Variants in ALDH1A2 observed in about 807,000 individuals in gnomAD.
ALDH1A2 encodes the protein retinal dehydrogenase 2.
Under a neutral mutation model 60.3 loss-of-function variants are expected in ALDH1A2, and 27 were observed. The ratio of observed to expected loss-of-function variants is 0.45; its 90% CI spans 0.33 to 0.62. The LOEUF is 0.62. Ranked by LOEUF, ALDH1A2 falls within the 20% of genes least tolerant of loss-of-function variation. ALDH1A2 has a pLI of 0.02. For synonymous variants in ALDH1A2, 289 were observed against 232.4 expected (o/e 1.24, Z -2.21); for missense variants, 581 against 643.8 (o/e 0.90, Z 1.06).
chr15:58,013,694 G>A (rs1290019183), intron 3 of ALDH1A2, among the ~76,000 whole-genome samples, 164 bp downstream of exon 3: 1 of 152,200 alleles, frequency 6.6e-6, no homozygotes, highest in Non-Finnish European at 1.5e-5. Context: ...AGAGGTTGCA[G>A]TGAGCTGAAA....
At chr15:57,985,636 T>G (rs986986432) in intron 7 of ALDH1A2, among the ~76,000 whole-genome samples, 1 of 152,168 alleles carries the variant, frequency 6.6e-6, no homozygotes, top group Non-Finnish European at 1.5e-5. Flanking sequence ...TGAGATTAAG[T>G]TTTTATTTAC....
At chr15:58,057,968 AATTAT>A (rs1896938061) in intron 1 of ALDH1A2, 2 of 943,428 alleles carry the variant, frequency 2.1e-6, no homozygotes, top group Non-Finnish European at 2.9e-6. Context: ...TAAATAATAC[AATTAT>A]ATTATCAAAC....
intron 1 of ALDH1A2, among the ~76,000 whole-genome samples, chr15:58,015,042 C>G (rs1173624321): frequency 6.6e-6 from 1 of 152,024 alleles, no homozygotes; most frequent in Non-Finnish European, 1.5e-5. Context: ...AGTTAAAGGA[C>G]AAGGGAAAAG....
At chr15:58,029,612 G>C (rs1487428807) in intron 1 of ALDH1A2, among the ~76,000 whole-genome samples, 1 of 150,482 alleles carries the variant, frequency 6.6e-6, no homozygotes, top group African/African-American at 2.4e-5. Context: ...ATGAATCCAG[G>C]AGCTGGTTTT....
intron 4 of ALDH1A2, among the ~76,000 whole-genome samples, chr15:58,001,502 C>T (rs574890285): frequency 5.3e-5 from 8 of 151,886 alleles, no homozygotes; most frequent in East Asian, 3.9e-4. Context: ...CAGGACTAAG[C>T]GCCTCTCTCC....
At chr15:57,968,734 TGGC>T (rs1323501622) in intron 7 of ALDH1A2, among the ~76,000 whole-genome samples, 2 of 152,238 alleles carry the variant, frequency 1.3e-5, no homozygotes. Flanking sequence ...TATTTGGGGT[TGGC>T]AGACACTGCT....
At chr15:57,973,873 T>C (rs1596073897) in intron 7 of ALDH1A2, among the ~76,000 whole-genome samples, 1 of 152,206 alleles carries the variant, frequency 6.6e-6, no homozygotes, top group African/African-American at 2.4e-5. Context: ...CACACTGTAA[T>C]AGGCTACTTA....
chr15:58,009,348 C>A (rs767901442), intron 4 of ALDH1A2, among the ~76,000 whole-genome samples: 1 of 151,968 alleles, frequency 6.6e-6, no homozygotes, highest in Non-Finnish European at 1.5e-5. Context: ...AAAAGACCCT[C>A]AGTGATTCAT....
chr15:58,043,115 T>C (rs1298748337), intron 1 of ALDH1A2, among the ~76,000 whole-genome samples: 7 of 151,930 alleles, frequency 4.6e-5, no homozygotes, highest in African/African-American at 1.7e-4. Context: ...TCAGCTTCTC[T>C]AGCCCTCAAT....
chr15:58,010,536 C>T (rs935017926), intron 4 of ALDH1A2, 113 bp downstream of exon 4: 21 of 1,411,690 alleles, frequency 1.5e-5, no homozygotes, highest in African/African-American at 2.8e-5. Flanking sequence ...GTTCTAACTG[C>T]TGTAAGTGTG....
intron 1 of ALDH1A2, among the ~76,000 whole-genome samples, chr15:58,056,011 G>T (rs1196247698): frequency 6.6e-6 from 1 of 152,066 alleles, no homozygotes; most frequent in African/African-American, 2.4e-5. Flanking sequence ...CTTCAAAAAT[G>T]AGTGTTGTAT....
chr15:58,042,878 G>A (rs952483368), intron 1 of ALDH1A2, among the ~76,000 whole-genome samples: 2 of 151,952 alleles, frequency 1.3e-5, no homozygotes, highest in African/African-American at 2.4e-5. Flanking sequence ...TGAGTGACTT[G>A]AAGTCTGAAA....
chr15:58,048,663 A>G (rs1332102356), intron 1 of ALDH1A2, among the ~76,000 whole-genome samples: 2 of 152,002 alleles, frequency 1.3e-5, no homozygotes, highest in African/African-American at 2.4e-5. Context: ...CTAGTGTTCC[A>G]TTTGACTCAG....
At chr15:58,008,641 T>C (rs1334775918) in intron 4 of ALDH1A2, among the ~76,000 whole-genome samples, 1 of 152,112 alleles carries the variant, frequency 6.6e-6, no homozygotes, top group Non-Finnish European at 1.5e-5. Context: ...GCTTTGTAAA[T>C]AGTTTGAAAA....
Position 57,962,046 on chromosome 15 carries a change from T to C in ALDH1A2, c.1217A>G (p.Asn406Ser), listed in dbSNP as rs143821863. 2.1e-5 allele frequency: 34 copies of C among 1,614,142 alleles called. No homozygotes were observed. The highest frequency in any genetic ancestry group is 1.5e-4 in the African/African-American group (11 of 75,040). Residue 406 changes from asparagine to serine, a missense_variant, in exon 10 of 13, where the codon AAC becomes AGC. Physicochemically the swap from Asn to Ser is conservative, Grantham distance 46 (BLOSUM62 1). Transcript: ENST00000249750. ...GFFIEPTVFSNVTDDMRIAKE... is the reference protein window; with the variant it reads ...GFFIEPTVFSSVTDDMRIAKE... ...GGCAATCCGCATATCATCAGTGACG[T>C]TGGAAAACACTGTGGGCTCAATGAA...
intron 3 of ALDH1A2, among the ~76,000 whole-genome samples, chr15:58,012,353 G>C (rs1895657467): frequency 6.6e-6 from 1 of 151,748 alleles, no homozygotes; most frequent in South Asian, 2.1e-4. Context: ...ACCATGCTAG[G>C]ATTACCAAAA....
In ALDH1A2 at chr15:58,014,145, C is replaced by T. The variant is rs1279010773; in HGVS notation, c.222+32G>A. On this transcript the variant is annotated intron_variant, in intron 2 of 12. Transcript: ENST00000249750. ...CTCTGCTGTTTGAAGGCAGTTATTTCATAGGAAATCTTTTATCTACAAAAG... is the reference window on the plus strand; with the variant it reads ...CTCTGCTGTTTGAAGGCAGTTATTTTATAGGAAATCTTTTATCTACAAAAG... 5 of 1,614,092 alleles carry T rather than the reference C, an allele frequency of 3.1e-6. 1 individual carries two copies. In the South Asian group the frequency reaches 5.5e-5, roughly 18 times the overall value.
In ALDH1A2 at chr15:57,995,194, C is replaced by T. The variant is rs145691810; in HGVS notation, c.494-55G>A. 612 of 542,456 alleles carry T rather than the reference C, an allele frequency of 1.1e-3. 1 individual carries two copies. In the African/African-American group the frequency reaches 0.018, roughly 16 times the overall value. 33.6% of individuals were successfully genotyped at this position (542,456 alleles called of 1,614,324 possible). On this transcript the variant is annotated intron_variant, in intron 4 of 12. Transcript: ENST00000249750. The stretch of plus-strand genomic sequence containing the variant: ...AAAGTTTAGATTAGGAAAAAAAATG[C>T]AAAGGGAGAACTTTGGTGGCTGCAA...
chr15:57,986,141 A>T (rs547350987), intron 7 of ALDH1A2, among the ~76,000 whole-genome samples: 1 of 152,252 alleles, frequency 6.6e-6, no homozygotes, highest in Non-Finnish European at 1.5e-5. Flanking sequence ...TTGTTTTACC[A>T]TTATAAACAA....
Sources: gnomAD v4.1 joint callset for allele counts (sites outside exome capture counted in the v4.1 genomes callset) on GRCh38, gnomAD v4.1.1 for gene constraint, MANE v1.5 for transcripts, NCBI Gene and HGNC (gene_info 2026-07-23, HGNC 2026-07-21) for gene names.